Variants in RMDN2 observed in about 807,000 individuals in gnomAD.
RMDN2 encodes regulator of microtubule dynamics protein 2.
RMDN2 carries 61 observed loss-of-function variants against 52.8 expected under a neutral mutation model. The ratio of observed to expected loss-of-function variants is 1.16; its 90% CI spans 0.94 to 1.43. RMDN2 has a LOEUF of 1.43. Ranked by LOEUF, RMDN2 falls within the 40% of genes most tolerant of loss-of-function variation. The pLI is 0.00. For missense variants in RMDN2, 592 were observed against 475.3 expected (o/e 1.25, Z -2.28); for synonymous variants, 180 against 153.1 (o/e 1.18, Z -1.30).
At chr2:37,995,335 A>ACTACTACTACTG (rs1254883568) in intron 7 of RMDN2, among the ~76,000 whole-genome samples, 5 of 150,208 alleles carry the variant, frequency 3.3e-5, no homozygotes, top group African/African-American at 7.4e-5. Context: ...TACTACTACT[A>ACTACTACTACTG]CTACTACTAC....
rs1666559993 is a variant in RMDN2 at position 37,929,651 on chromosome 2, G to A, written c.374G>A (p.Arg125Lys). 3 of 1,544,364 alleles carry A rather than the reference G, an allele frequency of 1.9e-6. No individual in the cohort carries two copies. Among genetic ancestry groups the A allele is most frequent in the East Asian group, 2.4e-5 (1 of 40,876 alleles). The change falls in exon 2 of 11, where the codon AGA (arginine) becomes AAA (lysine). Residue 125 changes from arginine (R) to lysine (K), a missense_variant. Coordinates refer to ENST00000354545, the MANE Select transcript of RMDN2 (RefSeq NM_001170791.3). Reference sequence around the variant, plus strand: ...GTTCATAAGATAAGCCCTCAGCACAGAGCGAGAAAAAGAAGACTCCCCACA... The same window carrying A: ...GTTCATAAGATAAGCCCTCAGCACAAAGCGAGAAAAAGAAGACTCCCCACA... ...ITVHKISPQH[R>K]ARKRRLPTIQ...
At chr2:38,020,660 C>T (rs574996964), downstream of RMDN2, among the ~76,000 whole-genome samples, 113 of 152,336 alleles carry the variant, frequency 7.4e-4, 2 homozygotes, top group East Asian at 0.018. Context: ...CCCAGGCCAG[C>T]GGCTGCAGAG....
At chr2:38,041,901 GGTTT>G (rs1277979301) in intron 10 of RMDN2, among the ~76,000 whole-genome samples, 3 of 151,982 alleles carry the variant, frequency 2.0e-5, no homozygotes, top group Non-Finnish European at 2.9e-5. Flanking sequence ...AAAAGATATT[GGTTT>G]GTTGTTTTTC....
intron 2 of RMDN2, among the ~76,000 whole-genome samples, chr2:37,967,878 C>A (rs765722977): frequency 2.0e-5 from 3 of 152,172 alleles, no homozygotes; most frequent in Non-Finnish European, 4.4e-5. Context: ...TGATATGGTT[C>A]AATTCCCAGG....
At position 38,005,700 on chromosome 2, in the gene RMDN2, A is replaced by C. The variant is rs542199536; in HGVS notation, c.1179+1484A>C. Reference sequence around the variant, plus strand: ...TTCTTTTGCTGTGCAGAAGCTCTTTAGTTTCATTAGATCCCATTTGTGAAT... The same window carrying C: ...TTCTTTTGCTGTGCAGAAGCTCTTTCGTTTCATTAGATCCCATTTGTGAAT... On this transcript the variant is annotated intron_variant, in intron 10 of 10. Transcript: ENST00000354545. Among the ~76,000 whole-genome samples, 140 of 152,204 alleles carry C rather than the reference A, an allele frequency of 9.2e-4. 1 individual carries two copies. The highest frequency in any genetic ancestry group is 1.9e-3 in the Non-Finnish European group (128 of 68,008).
chr2:38,015,824 C>CCA (rs1282817197), intron 10 of RMDN2, among the ~76,000 whole-genome samples: 3 of 152,134 alleles, frequency 2.0e-5, no homozygotes, highest in Admixed American at 1.3e-4. Flanking sequence ...CTCTGTTCCT[C>CCA]CACAGCAGAA....
chr2:38,007,554 C>A (rs1391314941), intron 10 of RMDN2, among the ~76,000 whole-genome samples: 13 of 151,888 alleles, frequency 8.6e-5, no homozygotes, highest in Admixed American at 7.9e-4. Context: ...TGGTGATATC[C>A]CCTTTATCAT....
intron 2 of RMDN2, among the ~76,000 whole-genome samples, chr2:37,955,516 A>C (rs1277638235): frequency 6.6e-6 from 1 of 152,036 alleles, no homozygotes; most frequent in Non-Finnish European, 1.5e-5. Flanking sequence ...TCCCCACCCA[A>C]ATCTCAACTT....
chr2:38,054,427 T>C (rs577861096), intron 10 of RMDN2, among the ~76,000 whole-genome samples: 66 of 152,350 alleles, frequency 4.3e-4, no homozygotes, highest in Admixed American at 1.0e-3. Flanking sequence ...GATCTGCAAG[T>C]ATTTTTTAAA....
chr2:38,001,397 C>T (rs1015265365), intron 8 of RMDN2, among the ~76,000 whole-genome samples: 4 of 152,188 alleles, frequency 2.6e-5, no homozygotes, highest in African/African-American at 7.2e-5. Context: ...TTAGCTAATG[C>T]TACCCTCCTT....
At chr2:37,924,630 G>C (rs1666133578), upstream of RMDN2, among the ~76,000 whole-genome samples, 1 of 151,964 alleles carries the variant, frequency 6.6e-6, no homozygotes, top group African/African-American at 2.4e-5. Flanking sequence ...GCCTCCCAAA[G>C]TGCTGGGATT....
chr2:38,022,466 C>G (rs1679463780), downstream of RMDN2, among the ~76,000 whole-genome samples: 1 of 152,166 alleles, frequency 6.6e-6, no homozygotes, highest in Non-Finnish European at 1.5e-5. Flanking sequence ...GATGGTACAC[C>G]TGCCACTCAC....
At chr2:37,964,064 G>T (rs373709067) in intron 2 of RMDN2, among the ~76,000 whole-genome samples, 1 of 149,342 alleles carries the variant, frequency 6.7e-6, no homozygotes, top group African/African-American at 2.5e-5. Context: ...CGGACGTGGC[G>T]GCTGCCGGGC....
upstream of RMDN2, among the ~76,000 whole-genome samples, chr2:37,922,773 G>T (rs1291515369): frequency 6.6e-6 from 1 of 152,222 alleles, no homozygotes; most frequent in Non-Finnish European, 1.5e-5. Context: ...AGAGTGTGTA[G>T]CTTCTCAAGG....
At chr2:37,981,175 G>C in intron 4 of RMDN2, 108 bp from the exon 5 acceptor site, 1 of 759,904 alleles carries the variant, frequency 1.3e-6, no homozygotes, top group Non-Finnish European at 2.4e-6. Context: ...ATGTGATGCT[G>C]ATGCTTCTGG....
At chr2:38,021,988 G>A (rs1007870416), downstream of RMDN2, among the ~76,000 whole-genome samples, 2 of 152,190 alleles carry the variant, frequency 1.3e-5, no homozygotes. Flanking sequence ...TCCAGTGAGG[G>A]AGGTGTTCTT....
At chr2:38,015,496 C>T (rs1025656515) in intron 10 of RMDN2, among the ~76,000 whole-genome samples, 11 of 148,226 alleles carry the variant, frequency 7.4e-5, no homozygotes, top group South Asian at 2.1e-4. Flanking sequence ...ACCCGGAAGG[C>T]GGAGGTTGCA....
At chr2:38,039,676 C>G (rs1043936017) in intron 10 of RMDN2, among the ~76,000 whole-genome samples, 2 of 152,314 alleles carry the variant, frequency 1.3e-5, no homozygotes, top group South Asian at 4.1e-4. Flanking sequence ...CACCCAGTGT[C>G]TGAGGCTGCA....
intron 7 of RMDN2, among the ~76,000 whole-genome samples, chr2:37,994,606 G>A (rs1675259563): frequency 6.6e-6 from 1 of 152,150 alleles, no homozygotes. Context: ...CTGATCATCA[G>A]TAGTCATTAG....
Sources: allele counts gnomAD v4.1 joint callset (sites outside exome capture counted in the v4.1 genomes callset), GRCh38; gene constraint gnomAD v4.1.1; transcripts MANE v1.5; gene names NCBI Gene and HGNC (gene_info 2026-07-23, HGNC 2026-07-21).